The following GALC variants were observed in gnomAD, a reference collection of about 807,000 sequenced individuals.
GALC encodes the protein galactosylceramidase, also known as galactocerebrosidase.
GALC carries 77 observed loss-of-function variants against 91.8 expected under a neutral mutation model. The ratio of observed to expected loss-of-function variants is 0.84; its 90% confidence interval spans 0.70 to 1.01. The LOEUF (loss-of-function observed/expected upper bound fraction) is 1.01. Ranked by LOEUF, GALC falls within the 50% of genes least tolerant of loss-of-function variation. The pLI, the probability that GALC is intolerant of heterozygous loss-of-function variation, is 0.00. For missense variants in GALC, 882 were observed against 855.9 expected, an observed-to-expected ratio of 1.03 and a Z score of -0.38; for synonymous variants, 357 against 306.7, an observed-to-expected ratio of 1.16 and a Z score of -1.71.
intron 14 of GALC, among the ~76,000 whole-genome samples, 197 bp downstream of exon 14, chr14:87,945,356 G>A (rs757588444): frequency 3.3e-5 from 5 of 152,034 alleles, no homozygotes; most frequent in Non-Finnish European, 5.9e-5. Context: ...AAAAATGAGG[G>A]AAGGACACTG....
intron 1 of GALC, among the ~76,000 whole-genome samples, chr14:87,991,068 G>A (rs1887178228): frequency 6.6e-6 from 1 of 152,158 alleles, no homozygotes; most frequent in Non-Finnish European, 1.5e-5. Flanking sequence ...AGAAAGTGAG[G>A]CAGAGAGGAG....
intron 3 of GALC, 143 bp downstream of exon 3, chr14:87,988,001 A>T (rs1887044471): frequency 4.4e-6 from 3 of 675,906 alleles, no homozygotes; most frequent in Non-Finnish European, 5.2e-6. Context: ...AATTACAGTT[A>T]AAAAATGAGG....
At chr14:87,973,444 G>C (rs1595223440) in intron 7 of GALC, among the ~76,000 whole-genome samples, 1 of 122,994 alleles carries the variant, frequency 8.1e-6, no homozygotes, top group African/African-American at 2.6e-5. Context: ...AGTAGGACAA[G>C]AAGGAAAGAA....
intron 10 of GALC, among the ~76,000 whole-genome samples, chr14:87,952,341 G>C (rs866387209): frequency 1.3e-5 from 2 of 151,916 alleles, no homozygotes; most frequent in African/African-American, 4.8e-5. Context: ...GCATGAAATA[G>C]CTTCAAACCT....
intron 10 of GALC, chr14:87,952,927 T>C (rs916156979): frequency 6.7e-6 from 6 of 898,062 alleles, no homozygotes; most frequent in African/African-American, 1.6e-5. Flanking sequence ...AATAAAATTA[T>C]AGATGAACAG....
At chr14:87,953,023 T>A (rs546804203) in intron 10 of GALC, 2 of 1,198,776 alleles carry the variant, frequency 1.7e-6, no homozygotes, top group Non-Finnish European at 2.5e-6. Flanking sequence ...ATGTTGGATT[T>A]GGTTTGTAGT....
At chr14:87,939,197 T>C (rs1036221054) in intron 16 of GALC, among the ~76,000 whole-genome samples, 1 of 151,948 alleles carries the variant, frequency 6.6e-6, no homozygotes, top group Non-Finnish European at 1.5e-5. Flanking sequence ...ATCTTCAATA[T>C]ACATATTGTT....
At position 87,934,866 on chromosome 14, in the gene GALC, A is replaced by G; in HGVS notation, c.1924T>C (p.Ser642Pro). The change falls in exon 17 of 17, where the codon TCT (serine) becomes CCT (proline). Residue 642 changes from serine (S) to proline (P), a missense_variant. Transcript: ENST00000261304. Reference protein sequence around the residue: ...LTLTIKGHFTSGMLNDKSLWT... With the variant: ...LTLTIKGHFTPGMLNDKSLWT... ...AGAGACTTGTCATTCAGCATGCCAG[A>G]GGTGAAATGACCCTAGAGTAGAAAG... 6.2e-7 allele frequency: 1 copy of G among 1,609,832 alleles called. No homozygotes were observed. The highest frequency in any genetic ancestry group is 8.5e-7 in the Non-Finnish European group (1 of 1,176,402).
upstream of GALC, chr14:87,993,510 A>G (rs562824466): frequency 1.7e-5 from 26 of 1,525,192 alleles, no homozygotes; most frequent in East Asian, 4.9e-5. Context: ...CTCAGGGAGT[A>G]TCTACCTCGT....
chr14:87,978,237 G>C (rs1048152788), intron 6 of GALC, among the ~76,000 whole-genome samples: 2 of 152,118 alleles, frequency 1.3e-5, no homozygotes, highest in African/African-American at 4.8e-5. Context: ...TTTTAGTAGA[G>C]ACAGGGTTTC....
At chr14:87,979,600 T>C (rs985501183) in intron 6 of GALC, among the ~76,000 whole-genome samples, 1 of 152,138 alleles carries the variant, frequency 6.6e-6, no homozygotes, top group African/African-American at 2.4e-5. Context: ...TAACATAAAA[T>C]ATAGCCCTGT....
intron 16 of GALC, among the ~76,000 whole-genome samples, chr14:87,937,833 A>G (rs940809414): frequency 2.0e-4 from 31 of 152,096 alleles, no homozygotes; most frequent in African/African-American, 7.5e-4. Flanking sequence ...GTTTGCAAAA[A>G]TAAAACTGAA....
chr14:87,952,584 G>A lies in GALC; in HGVS notation c.1162-1836C>T, dbSNP rs987683373. ...ACACACAGTTTCTTTAATGTCCGTT[G>A]CTGACCCCCGGAAAAAAATTCAGCT... is the stretch of plus-strand genomic sequence containing the variant. On this transcript the variant is annotated intron_variant, in intron 10 of 16. Coordinates refer to ENST00000261304, the MANE Select transcript of GALC (RefSeq NM_000153.4). 25 of 1,268,242 alleles carry A rather than the reference G, an allele frequency of 2.0e-5. No homozygotes were observed. In the African/African-American group the frequency reaches 3.6e-4, roughly 18 times the overall value. 78.6% of individuals were successfully genotyped at this position (1,268,242 alleles called of 1,614,324 possible). A position where few individuals can be genotyped will look rare whatever the true frequency, so the allele number is the denominator to read the frequency against.
intron 16 of GALC, among the ~76,000 whole-genome samples, chr14:87,938,998 G>T (rs1204973749): frequency 6.6e-6 from 1 of 151,812 alleles, no homozygotes; most frequent in Non-Finnish European, 1.5e-5. Context: ...TCAGAGAAGA[G>T]AAAATACAAA....
At chr14:87,969,262 T>C (rs1382562538) in intron 7 of GALC, among the ~76,000 whole-genome samples, 1 of 152,156 alleles carries the variant, frequency 6.6e-6, no homozygotes, top group African/African-American at 2.4e-5. Context: ...AAAATGCTGC[T>C]AAACATCCTA....
intron 14 of GALC, among the ~76,000 whole-genome samples, chr14:87,943,875 A>G (rs1360520934): frequency 6.6e-6 from 1 of 151,950 alleles, no homozygotes; most frequent in South Asian, 2.1e-4. Flanking sequence ...ATGAGACCAA[A>G]TTATAAAGGG....
chr14:87,952,717 C>A lies in GALC; in HGVS notation c.1162-1969G>T, dbSNP rs74076318. 3.1e-3 allele frequency: 4,742 copies of A among 1,524,150 alleles called. 134 individuals are homozygous for A. In the African/African-American group the frequency reaches 0.057, roughly 18 times the overall value. 94.4% of individuals were successfully genotyped at this position (1,524,150 alleles called of 1,614,324 possible). ...GGTCTCCAGATCTTAGTGGTCATTT[C>A]TTACTTAGCAAACTGTATGAATAGA... On this transcript the variant is annotated intron_variant, in intron 10 of 16. Coordinates refer to ENST00000261304, the MANE Select transcript of GALC (RefSeq NM_000153.4).
chr14:87,948,228 T>C lies in GALC; in HGVS notation c.1339-350A>G, dbSNP rs190912960. Among the ~76,000 whole-genome samples the C allele has an allele frequency of 2.0e-3, 311 of 152,148 alleles. 1 individual carries two copies. Among genetic ancestry groups the C allele is most frequent in the African/African-American group, 7.3e-3 (303 of 41,542 alleles). ...TACATGCAACTAAGAGACCTGCTTT[T>C]TTCTCTCAGTAATTTACTAAGGTAA... On this transcript the variant is annotated intron_variant, in intron 12 of 16. Transcript: ENST00000261304.
intron 10 of GALC, among the ~76,000 whole-genome samples, chr14:87,958,512 C>T (rs1440696875): frequency 6.6e-6 from 1 of 152,012 alleles, no homozygotes; most frequent in Non-Finnish European, 1.5e-5. Context: ...TATATAGGAA[C>T]ACAAAAGACC....
Sources: gnomAD v4.1 joint callset for allele counts (sites outside exome capture counted in the v4.1 genomes callset) on GRCh38, gnomAD v4.1.1 for gene constraint, MANE v1.5 for transcripts, NCBI Gene and HGNC (gene_info 2026-07-23, HGNC 2026-07-21) for gene names.